HIBADH: variants seen among roughly 807,000 people sequenced by gnomAD.
The protein encoded by HIBADH is 3-hydroxyisobutyrate dehydrogenase, mitochondrial.
A neutral mutation model predicts 36.1 loss-of-function variants in HIBADH; 25 were observed. The ratio of observed to expected loss-of-function variants is 0.69; its 90% CI spans 0.50 to 0.97. HIBADH has a LOEUF of 0.97. Ranked by LOEUF, HIBADH falls within the 50% of genes least tolerant of loss-of-function variation. HIBADH has a pLI of 0.00. For synonymous variants in HIBADH, 160 were observed against 149.5 expected (o/e 1.07, Z -0.51); for missense variants, 421 against 418.0 (o/e 1.01, Z -0.06).
intron 2 of HIBADH, among the ~76,000 whole-genome samples, chr7:27,639,003 T>C (rs1291079423): frequency 3.9e-5 from 6 of 152,150 alleles, no homozygotes; most frequent in African/African-American, 1.4e-4. Context: ...GAATGCAAAT[T>C]AGATGAGTTA....
At chr7:27,576,292 T>C (rs1274458823) in intron 4 of HIBADH, among the ~76,000 whole-genome samples, 2 of 152,232 alleles carry the variant, frequency 1.3e-5, no homozygotes, top group South Asian at 2.1e-4. Flanking sequence ...TTATGTCTCA[T>C]AATTAGTAAT....
chr7:27,602,722 G>T (rs1032849525), intron 4 of HIBADH, among the ~76,000 whole-genome samples: 8 of 152,132 alleles, frequency 5.3e-5, no homozygotes, highest in Middle Eastern at 3.4e-3. Context: ...GAAGATTACT[G>T]ACAAATAAGC....
intron 4 of HIBADH, among the ~76,000 whole-genome samples, chr7:27,613,315 TA>T (rs1785365803): frequency 6.8e-6 from 1 of 147,498 alleles, no homozygotes; most frequent in African/African-American, 2.5e-5. Flanking sequence ...TATATATATA[TA>T]TATAAAAGAA....
intron 4 of HIBADH, among the ~76,000 whole-genome samples, chr7:27,613,633 G>A (rs965110357): frequency 1.4e-5 from 2 of 146,086 alleles, no homozygotes; most frequent in African/African-American, 5.1e-5. Flanking sequence ...TAAATCTAGT[G>A]GGGTTTTTTG....
At chr7:27,559,187 C>T (rs1318820571) in intron 4 of HIBADH, among the ~76,000 whole-genome samples, 1 of 152,108 alleles carries the variant, frequency 6.6e-6, no homozygotes, top group African/African-American at 2.4e-5. Flanking sequence ...TAAATTAAGG[C>T]CCACCTTAAT....
intron 2 of HIBADH, chr7:27,647,712 G>GA (rs1786097022): frequency 2.4e-6 from 1 of 414,182 alleles, no homozygotes; most frequent in Admixed American, 2.9e-5. Context: ...AACTTGTTGG[G>GA]AAACAGAGGT....
At chr7:27,638,584 T>C (rs1659207791) in intron 2 of HIBADH, among the ~76,000 whole-genome samples, 1 of 151,916 alleles carries the variant, frequency 6.6e-6, no homozygotes, top group South Asian at 2.1e-4. Flanking sequence ...AAAACAAAAA[T>C]TGACAAATGA....
intron 1 of HIBADH, among the ~76,000 whole-genome samples, chr7:27,656,512 A>G (rs1288480043): frequency 6.6e-6 from 1 of 152,150 alleles, no homozygotes; most frequent in Non-Finnish European, 1.5e-5. Flanking sequence ...AATCTCCAGG[A>G]TAAGTTATTA....
At chr7:27,551,202 A>G (rs577060435) in intron 4 of HIBADH, among the ~76,000 whole-genome samples, 146 of 152,312 alleles carry the variant, frequency 9.6e-4, no homozygotes, top group African/African-American at 3.4e-3. Context: ...CTACATAAAC[A>G]TGCATAAGCT....
Position 27,662,792 on chromosome 7 carries a change from GCGCC to G in HIBADH, c.-8_-5del, listed in dbSNP as rs970475308. The G allele has an allele frequency of 4.1e-6, 6 of 1,466,038 alleles. No homozygotes were observed. The highest frequency in any genetic ancestry group is 5.4e-6 in the Non-Finnish European group (6 of 1,107,412). 90.8% of individuals were successfully genotyped at this position (1,466,038 alleles called of 1,614,324 possible). On this transcript the variant is annotated 5_prime_UTR_variant, in exon 1 of 8. Transcript: ENST00000265395. ...GGAGCCGTAAGGAGGCTGCCATGCTGCGCCCGCCCCTCTCCCCGCGGTGACCTCC... is the reference window on the plus strand; with the variant it reads ...GGAGCCGTAAGGAGGCTGCCATGCTGCGCCCCTCTCCCCGCGGTGACCTCC...
intron 6 of HIBADH, among the ~76,000 whole-genome samples, chr7:27,535,498 CA>C (rs1451520818): frequency 6.6e-6 from 1 of 152,158 alleles, no homozygotes; most frequent in Non-Finnish European, 1.5e-5. Flanking sequence ...GTTGGCAATG[CA>C]AGTAACTTGT....
intron 4 of HIBADH, among the ~76,000 whole-genome samples, chr7:27,544,967 C>A (rs1784214717): frequency 6.6e-6 from 1 of 152,218 alleles, no homozygotes. Context: ...TAGTTCGACT[C>A]TTTCCTCATA....
chr7:27,540,928 C>A (rs976025770), intron 5 of HIBADH, among the ~76,000 whole-genome samples: 1 of 152,140 alleles, frequency 6.6e-6, no homozygotes, highest in Non-Finnish European at 1.5e-5. Flanking sequence ...ATCGTCCAGG[C>A]CTTCTTGCTG....
intron 2 of HIBADH, among the ~76,000 whole-genome samples, chr7:27,637,758 A>G (rs1785866972): frequency 6.6e-6 from 1 of 152,254 alleles, no homozygotes; most frequent in East Asian, 1.9e-4. Flanking sequence ...CACAAAATCA[A>G]TGCGCAAAAA....
In HIBADH at chr7:27,540,509, T is replaced by G. The variant is rs539548867; in HGVS notation, c.619-2092A>C. 2.0e-5 allele frequency among the ~76,000 whole-genome samples: 3 copies of G among 152,360 alleles called. No homozygotes were observed. The East Asian group carries it at 5.8e-4, about 29-fold the overall frequency. ...CCCTGCCATAAATCCTGTGAAGTCT[T>G]GCACAACATCTGGACAGTTTTTTCC... On this transcript the variant is annotated intron_variant, in intron 5 of 7. Coordinates refer to ENST00000265395, the MANE Select transcript of HIBADH (RefSeq NM_152740.4).
chr7:27,636,929 T>C (rs1329828425), intron 2 of HIBADH, among the ~76,000 whole-genome samples: 1 of 152,230 alleles, frequency 6.6e-6, no homozygotes, highest in Non-Finnish European at 1.5e-5. Context: ...TTCTTTCATT[T>C]AGAAATATGT....
chr7:27,561,369 T>C (rs1398035910), intron 4 of HIBADH, among the ~76,000 whole-genome samples: 1 of 152,184 alleles, frequency 6.6e-6, no homozygotes, highest in Non-Finnish European at 1.5e-5. Context: ...ATATGACTTA[T>C]TTGACTAAAA....
chr7:27,563,178 A>G (rs1178061297), intron 4 of HIBADH, among the ~76,000 whole-genome samples: 1 of 152,144 alleles, frequency 6.6e-6, no homozygotes, highest in African/African-American at 2.4e-5. Context: ...AACCTTTCAC[A>G]CTGACTTCTT....
intron 4 of HIBADH, among the ~76,000 whole-genome samples, chr7:27,554,869 G>A (rs1224760169): frequency 1.3e-5 from 2 of 152,096 alleles, no homozygotes; most frequent in African/African-American, 2.4e-5. Context: ...TCATATTTTG[G>A]GGTTGGGGTA....
Sources: allele counts gnomAD v4.1 joint callset (sites outside exome capture counted in the v4.1 genomes callset), GRCh38; gene constraint gnomAD v4.1.1; transcripts MANE v1.5; gene names NCBI Gene and HGNC (gene_info 2026-07-23, HGNC 2026-07-21).